Variants in CNTNAP2 observed in about 807,000 individuals in gnomAD.
The protein encoded by CNTNAP2 is contactin associated protein 2.
A neutral mutation model predicts 155.2 loss-of-function variants in CNTNAP2; 98 were observed. The observed-to-expected ratio is 0.63, with a 90% CI of 0.54 to 0.75. The LOEUF (loss-of-function observed/expected upper bound fraction) is 0.75. CNTNAP2 is among the 30% of genes least tolerant of loss of function. The pLI is 0.00. For missense variants in CNTNAP2, 1,727 were observed against 1,688.1 expected, an observed-to-expected ratio of 1.02 and a Z score of -0.40; for synonymous variants, 651 against 631.2, an observed-to-expected ratio of 1.03 and a Z score of -0.47.
intron 13 of CNTNAP2, among the ~76,000 whole-genome samples, chr7:147,759,817 T>C (rs1177470792): frequency 6.6e-6 from 1 of 152,116 alleles, no homozygotes; most frequent in Non-Finnish European, 1.5e-5. Flanking sequence ...TGACCTAACA[T>C]TTTCCACTGG....
chr7:147,295,924 GTAAT>G (rs1370522499), intron 8 of CNTNAP2, among the ~76,000 whole-genome samples: 3 of 152,090 alleles, frequency 2.0e-5, no homozygotes, highest in Admixed American at 1.3e-4. Flanking sequence ...AATTTCTCTA[GTAAT>G]TAAGTTCCTG....
At chr7:146,841,467 C>T (rs12334041) in intron 3 of CNTNAP2, among the ~76,000 whole-genome samples, 15,003 of 152,002 alleles carry the variant, frequency 0.099, 2,392 homozygotes, top group African/African-American at 0.34. Flanking sequence ...GATCACAGAC[C>T]CTTCTAACAC....
chr7:147,916,251 T>G (rs987294816), intron 14 of CNTNAP2, among the ~76,000 whole-genome samples: 1 of 152,204 alleles, frequency 6.6e-6, no homozygotes, highest in Admixed American at 6.5e-5. Context: ...ATAAAAATGA[T>G]GTATTATATA....
intron 1 of CNTNAP2, among the ~76,000 whole-genome samples, chr7:146,524,423 G>A (rs1797658722): frequency 6.6e-6 from 1 of 151,758 alleles, no homozygotes; most frequent in Non-Finnish European, 1.5e-5. Flanking sequence ...TAGCATAGTT[G>A]CTTGACAGCA....
chr7:147,202,400 C>G (rs902616255), intron 8 of CNTNAP2, among the ~76,000 whole-genome samples: 2 of 151,816 alleles, frequency 1.3e-5, no homozygotes, highest in Non-Finnish European at 2.9e-5. Flanking sequence ...GATTCTTTTA[C>G]AAATCTGAAA....
intron 3 of CNTNAP2, among the ~76,000 whole-genome samples, chr7:146,924,338 A>G (rs1023900485): frequency 1.3e-5 from 2 of 152,124 alleles, no homozygotes; most frequent in African/African-American, 4.8e-5. Flanking sequence ...CTGGTGACTT[A>G]AAGAGTCTTA....
intron 20 of CNTNAP2, among the ~76,000 whole-genome samples, chr7:148,239,699 A>G (rs535146048): frequency 2.6e-5 from 4 of 152,286 alleles, no homozygotes; most frequent in African/African-American, 9.6e-5. Flanking sequence ...AAGATGCCCA[A>G]CTACCAGAGC....
chr7:147,997,875 A>G (rs573734964), intron 15 of CNTNAP2, among the ~76,000 whole-genome samples: 2 of 152,236 alleles, frequency 1.3e-5, no homozygotes, highest in East Asian at 3.9e-4. Flanking sequence ...ATGTCTCATT[A>G]ACATCTTAAA....
intron 1 of CNTNAP2, among the ~76,000 whole-genome samples, chr7:146,729,809 TAAC>T (rs1024983786): frequency 5.9e-5 from 9 of 152,166 alleles, no homozygotes; most frequent in South Asian, 2.1e-4. Flanking sequence ...ACCTTGAAAA[TAAC>T]AAAAAATGGA....
At chr7:147,130,746 A>G (rs936702236) in intron 7 of CNTNAP2, among the ~76,000 whole-genome samples, 16 of 152,060 alleles carry the variant, frequency 1.1e-4, no homozygotes, top group African/African-American at 3.9e-4. Context: ...CTTCCCCCAC[A>G]TACTCATTCC....
intron 1 of CNTNAP2, among the ~76,000 whole-genome samples, chr7:146,180,003 A>G (rs1798527495): frequency 6.6e-6 from 1 of 152,186 alleles, no homozygotes; most frequent in Admixed American, 6.5e-5. Context: ...CTTCCAAGCC[A>G]TTCACAGTTA....
chr7:147,683,826 C>CT (rs895816297), intron 13 of CNTNAP2, among the ~76,000 whole-genome samples: 101 of 140,726 alleles, frequency 7.2e-4, no homozygotes, highest in Non-Finnish European at 5.9e-4. Flanking sequence ...AATTCCTCTT[C>CT]TTTTTTTTTT....
In CNTNAP2 at chr7:147,759,738, C is replaced by T. The variant is rs143707009; in HGVS notation, c.2098+120432C>T. On this transcript the variant is annotated intron_variant, in intron 13 of 23. Transcript: ENST00000361727. ...AGGTTTCTAAGTGATGCATGTAGGC[C>T]ATCGTTTCCACAAGGAAGCCATTGT... is the stretch of plus-strand genomic sequence containing the variant. Among the ~76,000 whole-genome samples the T allele has an allele frequency of 1.4e-3, 207 of 152,244 alleles. 2 individuals carry two copies. Among genetic ancestry groups the T allele is most frequent in the African/African-American group, 4.7e-3 (197 of 41,546 alleles).
In CNTNAP2 at chr7:147,648,065, G is replaced by A. The variant is rs144761916; in HGVS notation, c.2098+8759G>A. Among the ~76,000 whole-genome samples the A allele has an allele frequency of 4.0e-3, 608 of 152,256 alleles. 3 individuals carry two copies. The highest frequency in any genetic ancestry group is 0.014 in the African/African-American group (573 of 41,550). ...TAAGTTTTCAAAAGGTTGATGGTAC[G>A]AGGATGGCTACATGTAGAAAAGCTG... On this transcript the variant is annotated intron_variant, in intron 13 of 23. Transcript: ENST00000361727.
chr7:147,681,451 C>A (rs1443146777), intron 13 of CNTNAP2, among the ~76,000 whole-genome samples: 1 of 151,856 alleles, frequency 6.6e-6, no homozygotes, highest in Non-Finnish European at 1.5e-5. Flanking sequence ...CTTTTTCCCC[C>A]ATGCTAGATG....
chr7:147,186,283 A>C (rs1163746066), intron 8 of CNTNAP2, among the ~76,000 whole-genome samples: 1 of 152,164 alleles, frequency 6.6e-6, no homozygotes, highest in Admixed American at 6.5e-5. Context: ...CTAATTATTA[A>C]TAATATATGG....
chr7:148,246,049 C>T (rs1234958030), intron 20 of CNTNAP2, among the ~76,000 whole-genome samples: 6 of 152,208 alleles, frequency 3.9e-5, no homozygotes, highest in African/African-American at 1.4e-4. Context: ...TTAAATGGAA[C>T]TTTCAGGCAT....
chr7:147,431,864 G>T, intron 10 of CNTNAP2, among the ~76,000 whole-genome samples: 1 of 152,096 alleles, frequency 6.6e-6, no homozygotes, highest in East Asian at 1.9e-4. Context: ...AGTTCCTGAA[G>T]GCTCTGCACT....
At chr7:147,036,895 A>G (rs987437248) in intron 3 of CNTNAP2, among the ~76,000 whole-genome samples, 1 of 152,158 alleles carries the variant, frequency 6.6e-6, no homozygotes, top group African/African-American at 2.4e-5. Flanking sequence ...ATGAGTTTTT[A>G]AAAGAGCCAA....
Sources: allele counts gnomAD v4.1 joint callset (sites outside exome capture counted in the v4.1 genomes callset), GRCh38; gene constraint gnomAD v4.1.1; transcripts MANE v1.5; gene names NCBI Gene and HGNC (gene_info 2026-07-23, HGNC 2026-07-21).